TMPRSS11F: variants seen among roughly 807,000 people sequenced by gnomAD.
TMPRSS11F encodes transmembrane protease serine 11F.
TMPRSS11F carries 47 observed loss-of-function variants against 60.2 expected under a neutral mutation model. The observed-to-expected ratio is 0.78, with a 90% CI of 0.62 to 1.00. The LOEUF is 1.00. Ranked by LOEUF, TMPRSS11F falls within the 50% of genes least tolerant of loss-of-function variation. The pLI, the probability that TMPRSS11F is intolerant of heterozygous loss-of-function variation, is 0.00. For missense variants in TMPRSS11F, 519 were observed against 522.9 expected (o/e 0.99, Z 0.07); for synonymous variants, 166 against 167.3 (o/e 0.99, Z 0.06).
At chr4:68,072,165 G>A (rs903151944) in intron 5 of TMPRSS11F, among the ~76,000 whole-genome samples, 158 bp downstream of exon 5, 18 of 130,730 alleles carry the variant, frequency 1.4e-4, no homozygotes, top group African/African-American at 5.3e-4. Flanking sequence ...CCTCATAGTG[G>A]AATTTTATTT....
At chr4:68,064,310 A>T (rs1203882137) in intron 8 of TMPRSS11F, among the ~76,000 whole-genome samples, 1 of 151,048 alleles carries the variant, frequency 6.6e-6, no homozygotes, top group Non-Finnish European at 1.5e-5. Context: ...TCAACCTCCC[A>T]AGTAACTGGG....
At chr4:68,128,065 G>A in intron 1 of TMPRSS11F, among the ~76,000 whole-genome samples, 1 of 152,008 alleles carries the variant, frequency 6.6e-6, no homozygotes, top group East Asian at 1.9e-4. Flanking sequence ...TCTAAATGAT[G>A]GTACTCTTTC....
At chr4:68,062,539 T>C (rs774701505) in intron 8 of TMPRSS11F, 7 of 762,074 alleles carry the variant, frequency 9.2e-6, no homozygotes, top group Admixed American at 3.5e-5. Context: ...TTGCTTATTG[T>C]ATTCATCGTG....
intron 3 of TMPRSS11F, among the ~76,000 whole-genome samples, chr4:68,074,903 C>T (rs1488151476): frequency 6.6e-6 from 1 of 152,096 alleles, no homozygotes; most frequent in African/African-American, 2.4e-5. Context: ...TCCAGATGAG[C>T]CTGGGCAACA....
At position 68,073,159 on chromosome 4, in the gene TMPRSS11F, C is replaced by A. The variant is rs533310010; in HGVS notation, c.351-673G>T. Among the ~76,000 whole-genome samples, 67 of 152,216 alleles carry A rather than the reference C, an allele frequency of 4.4e-4. 2 individuals carry two copies. The South Asian group carries it at 9.4e-3, about 21-fold the overall frequency. ...TCATAATCTTGATTGGCACCCACAC[C>A]CTTGCCCCAACTTCTGACTCTTTGG... On this transcript the variant is annotated intron_variant, in intron 4 of 9. Coordinates refer to ENST00000356291, the MANE Select transcript of TMPRSS11F (RefSeq NM_207407.2).
At position 68,053,803 on chromosome 4, in the gene TMPRSS11F, G is replaced by A. The variant is rs1722988125; in HGVS notation, c.*106C>T. ...TTTGTCTGGGTCTGAAGGGCTTCTT[G>A]ACATCTAGCAAAAGCACTAATCCAA... On this transcript the variant is annotated 3_prime_UTR_variant, in exon 10 of 10. Transcript: ENST00000356291. The A allele has an allele frequency of 8.4e-7, 1 of 1,192,682 alleles. No homozygotes were observed. Among genetic ancestry groups the A allele is most frequent in the East Asian group, 2.4e-5 (1 of 41,694 alleles). The allele number at this position is 1,192,682 out of a possible 1,614,324, so 73.9% of individuals were successfully genotyped here. A position where few individuals can be genotyped will look rare whatever the true frequency, so the allele number is the denominator to read the frequency against.
intron 2 of TMPRSS11F, among the ~76,000 whole-genome samples, chr4:68,097,878 A>G (rs1315663349): frequency 2.6e-5 from 4 of 152,180 alleles, no homozygotes; most frequent in Admixed American, 2.6e-4. Flanking sequence ...CAATCCCCCA[A>G]TAATGAGGGT....
chr4:68,087,620 C>CA (rs1281979350), intron 3 of TMPRSS11F, among the ~76,000 whole-genome samples: 4 of 151,746 alleles, frequency 2.6e-5, no homozygotes, highest in African/African-American at 9.7e-5. Flanking sequence ...AAAGACTTCA[C>CA]AAAAAAAGCT....
Position 68,083,607 on chromosome 4 carries a change from C to A in TMPRSS11F, c.282+6916G>T, listed in dbSNP as rs550548721. On this transcript the variant is annotated intron_variant, in intron 3 of 9. Transcript: ENST00000356291. ...CTCTGAAAGCACCAAGAAATGAAGA[C>A]AACAGACTATACTCAACTTATACAA... 1.8e-4 allele frequency among the ~76,000 whole-genome samples: 27 copies of A among 151,994 alleles called. 2 individuals are homozygous for A. The South Asian group carries it at 5.2e-3, about 29-fold the overall frequency.
At chr4:68,062,672 C>T (rs773734984) in intron 8 of TMPRSS11F, 1 of 762,138 alleles carries the variant, frequency 1.3e-6, no homozygotes, top group Non-Finnish European at 2.4e-6. Flanking sequence ...CATCTTTCTT[C>T]TCATGCTGCT....
In TMPRSS11F at chr4:68,123,118, T is replaced by C. The variant is rs1456435822; in HGVS notation, c.11+6692A>G. 2.6e-5 allele frequency among the ~76,000 whole-genome samples: 4 copies of C among 152,354 alleles called. No individual in the cohort carries two copies. In the East Asian group the frequency reaches 7.7e-4, roughly 29 times the overall value. Reference sequence around the variant, plus strand: ...ATCTTCTGTTGCCACAGTTTCGTTATAAGTAATGTTTCACATTCTTCTAAA... The same window carrying C: ...ATCTTCTGTTGCCACAGTTTCGTTACAAGTAATGTTTCACATTCTTCTAAA... On this transcript the variant is annotated intron_variant, in intron 1 of 9. Coordinates refer to ENST00000356291, the MANE Select transcript of TMPRSS11F (RefSeq NM_207407.2).
At chr4:68,120,034 G>A (rs1724594396) in intron 1 of TMPRSS11F, among the ~76,000 whole-genome samples, 2 of 152,170 alleles carry the variant, frequency 1.3e-5, no homozygotes, top group Non-Finnish European at 2.9e-5. Context: ...CAAAACTTTA[G>A]TGGAGGAAGT....
intron 8 of TMPRSS11F, among the ~76,000 whole-genome samples, chr4:68,063,511 G>A (rs1723250141): frequency 6.6e-6 from 1 of 152,022 alleles, no homozygotes; most frequent in Non-Finnish European, 1.5e-5. Flanking sequence ...CAAGTAGCTG[G>A]GACTACAGGC....
In TMPRSS11F at chr4:68,106,575, A is replaced by C. The variant is rs151086065; in HGVS notation, c.12-7537T>G. Among the ~76,000 whole-genome samples the C allele has an allele frequency of 5.7e-3, 874 of 152,256 alleles. 12 individuals are homozygous for C. Among genetic ancestry groups the C allele is most frequent in the African/African-American group, 0.02 (821 of 41,556 alleles). On this transcript the variant is annotated intron_variant, in intron 1 of 9. Transcript: ENST00000356291. ...ATAAGTGACTTCAGAAGCATCAAGA[A>C]TTGGCAAAGTGGTGGGAAACTGCGG...
At chr4:68,075,482 AGTCTCTCTCTCTGTCT>A in intron 3 of TMPRSS11F, among the ~76,000 whole-genome samples, 1 of 151,534 alleles carries the variant, frequency 6.6e-6, no homozygotes, top group Non-Finnish European at 1.5e-5. Context: ...CTACCTTCAA[AGTCTCTCTCTCTGTCT>A]GTCTCTCTCT....
intron 3 of TMPRSS11F, 147 bp downstream of exon 3, chr4:68,090,376 T>G: frequency 7.9e-7 from 1 of 1,264,196 alleles, no homozygotes. Context: ...TATTAAGTAA[T>G]TTAATCCTCA....
At chr4:68,081,403 T>C (rs910994597) in intron 3 of TMPRSS11F, among the ~76,000 whole-genome samples, 2 of 152,256 alleles carry the variant, frequency 1.3e-5, no homozygotes, top group African/African-American at 4.8e-5. Context: ...CCAGAACTCA[T>C]GTTTATATTT....
chr4:68,079,925 G>T (rs758980089), intron 3 of TMPRSS11F, among the ~76,000 whole-genome samples: 1 of 152,188 alleles, frequency 6.6e-6, no homozygotes, highest in Non-Finnish European at 1.5e-5. Context: ...CTTTCCTTTG[G>T]TTGTGAACTA....
At chr4:68,085,826 C>T (rs1207407207) in intron 3 of TMPRSS11F, among the ~76,000 whole-genome samples, 2 of 152,116 alleles carry the variant, frequency 1.3e-5, no homozygotes, top group Admixed American at 6.6e-5. Context: ...AACAAGAAGA[C>T]TCAGCCATCC....
Sources: gnomAD v4.1 joint callset for allele counts (sites outside exome capture counted in the v4.1 genomes callset) on GRCh38, gnomAD v4.1.1 for gene constraint, MANE v1.5 for transcripts, NCBI Gene and HGNC (gene_info 2026-07-23, HGNC 2026-07-21) for gene names.